BANP: variants seen among roughly 807,000 people sequenced by gnomAD.
BANP encodes the protein protein BANP.
A neutral mutation model predicts 68.1 loss-of-function variants in BANP; 11 were observed. The ratio of observed to expected loss-of-function variants is 0.16; its 90% CI spans 0.10 to 0.27. BANP has a LOEUF of 0.27. BANP is among the 10% of genes least tolerant of loss of function. The pLI, the probability that BANP is intolerant of heterozygous loss-of-function variation, is 1.00. For missense variants in BANP, 504 were observed against 722.7 expected (o/e 0.70, Z 3.47); for synonymous variants, 329 against 303.2 (o/e 1.09, Z -0.88).
At position 88,003,436 on chromosome 16, in the gene BANP, G is replaced by A. The variant is rs1598342982; in HGVS notation, c.363-859G>A. On this transcript the variant is annotated intron_variant, in intron 4 of 13. Transcript: ENST00000682872. This position sits in a 1 kb window ranked among gnomAD's most constrained non-coding sequence, Gnocchi z 6.1. The stretch of plus-strand genomic sequence containing the variant: ...TCCAAGAATGGAGTTTTATTGTCAG[G>A]TGATAATCACGTTGTGTTTCTAGTG... 3 of 456,038 alleles carry A rather than the reference G, an allele frequency of 6.6e-6. No homozygotes were observed. The highest frequency in any genetic ancestry group is 1.3e-5 in the Non-Finnish European group (3 of 226,928). 28.2% of individuals were successfully genotyped at this position (456,038 alleles called of 1,614,324 possible).
At chr16:88,008,816 C>A (rs2072087320) in intron 6 of BANP, among the ~76,000 whole-genome samples, 2 of 152,184 alleles carry the variant, frequency 1.3e-5, no homozygotes, top group Admixed American at 1.3e-4. Context: ...TTGGGGTGAA[C>A]TGCAGAACTT....
chr16:88,008,166 C>T (rs1343654757), intron 6 of BANP, among the ~76,000 whole-genome samples: 2 of 152,212 alleles, frequency 1.3e-5, no homozygotes, highest in African/African-American at 4.8e-5. Context: ...TGTTCCTTTT[C>T]ATGGCTGCGT....
chr16:88,049,817 G>C (rs554418080), intron 11 of BANP, among the ~76,000 whole-genome samples: 1 of 152,212 alleles, frequency 6.6e-6, no homozygotes, highest in Admixed American at 6.5e-5. Flanking sequence ...CAGCCACACG[G>C]CATCCGACGA....
At position 88,027,577 on chromosome 16, in the gene BANP, G is replaced by A; in HGVS notation, c.990G>A (p.Lys330=). 4 of 1,614,000 alleles carry A rather than the reference G, an allele frequency of 2.5e-6. No homozygotes were observed. Among genetic ancestry groups the A allele is most frequent in the South Asian group, 1.1e-5 (1 of 91,082 alleles). Reference sequence around the variant, plus strand: ...AGTGCCGCACGGCGTGGCGGCGCAAGCAGCGGGGCCAGAGCCTGGCGGTCA... The same window carrying A: ...AGTGCCGCACGGCGTGGCGGCGCAAACAGCGGGGCCAGAGCCTGGCGGTCA... The part of the protein sequence containing the change: ...DSKCRTAWRR[K]QRGQSLAVKS... Residue 330 remains lysine, a synonymous_variant, in exon 8 of 14, where the codon AAG becomes AAA. Transcript: ENST00000682872.
intron 11 of BANP, among the ~76,000 whole-genome samples, chr16:88,046,264 T>G (rs550268255): frequency 1.3e-5 from 2 of 152,348 alleles, no homozygotes; most frequent in East Asian, 3.9e-4. Context: ...AGATACTGTT[T>G]TAAAACTGCG....
intron 2 of BANP, among the ~76,000 whole-genome samples, chr16:87,977,351 G>A (rs2062361557): frequency 6.6e-6 from 1 of 152,060 alleles, no homozygotes; most frequent in Non-Finnish European, 1.5e-5. Flanking sequence ...CCCGGGAGGC[G>A]GAGCTTGCAG....
At chr16:88,068,301 G>A (rs184428396) in intron 12 of BANP, among the ~76,000 whole-genome samples, 9 of 152,354 alleles carry the variant, frequency 5.9e-5, no homozygotes, top group Non-Finnish European at 8.8e-5. Flanking sequence ...AACCTTGGGC[G>A]TGCGCCAGGG....
At chr16:87,974,395 T>C (rs1234620578) in intron 1 of BANP, among the ~76,000 whole-genome samples, 3 of 152,090 alleles carry the variant, frequency 2.0e-5, no homozygotes, top group African/African-American at 7.2e-5. Flanking sequence ...ACAGCACAGT[T>C]GTGGACAGGA....
At chr16:88,040,993 G>C (rs1372316261) in intron 11 of BANP, among the ~76,000 whole-genome samples, 2 of 152,234 alleles carry the variant, frequency 1.3e-5, no homozygotes, top group Non-Finnish European at 2.9e-5. Flanking sequence ...CCTCTTGGGA[G>C]GGTGGCCAGG....
At chr16:88,023,431 G>GA (rs1272503188) in intron 7 of BANP, among the ~76,000 whole-genome samples, 1 of 150,884 alleles carries the variant, frequency 6.6e-6, no homozygotes, top group Non-Finnish European at 1.5e-5. Flanking sequence ...CTTCCCCCGG[G>GA]AGGGAGCATG....
intron 8 of BANP, among the ~76,000 whole-genome samples, chr16:88,031,292 A>T (rs1302179385): frequency 6.6e-6 from 1 of 152,234 alleles, no homozygotes; most frequent in Non-Finnish European, 1.5e-5. Context: ...AATCTCATGA[A>T]TTTCAGATTC....
intron 7 of BANP, among the ~76,000 whole-genome samples, chr16:88,022,507 T>C (rs1411479199): frequency 6.6e-6 from 1 of 152,222 alleles, no homozygotes; most frequent in Admixed American, 6.5e-5. Flanking sequence ...AAGCCCCAGG[T>C]GGTGGTACCT....
intron 7 of BANP, among the ~76,000 whole-genome samples, chr16:88,025,484 T>A (rs2076816317): frequency 6.6e-6 from 1 of 152,212 alleles, no homozygotes. Context: ...CTGTATGGCT[T>A]CTTTATGCAT....
At chr16:87,969,534 C>CTTTTTT (rs71156276) in intron 1 of BANP, among the ~76,000 whole-genome samples, 1 of 139,006 alleles carries the variant, frequency 7.2e-6, no homozygotes, top group African/African-American at 2.7e-5. Context: ...TCGAGATTGA[C>CTTTTTT]TTTTTTTTTT....
chr16:88,009,101 T>C (rs772036268), intron 6 of BANP, among the ~76,000 whole-genome samples: 3 of 152,208 alleles, frequency 2.0e-5, no homozygotes, highest in Non-Finnish European at 1.5e-5. Context: ...ATGTCTCTTA[T>C]GTCAGATTTA....
At position 87,961,412 on chromosome 16, in the gene BANP, C is replaced by CCCCCA. The variant is rs368953008; in HGVS notation, c.-69+9901_-69+9902insACCCC. On this transcript the variant is annotated intron_variant, in intron 1 of 13. Transcript: ENST00000682872. ...CTCCTGGACTCACAGAATCTGCACC[C>CCCCCA]CCCCGGGCCTCCCAAAGTGCTGGGA... Among the ~76,000 whole-genome samples the CCCCCA allele has an allele frequency of 4.2e-5, 6 of 142,944 alleles. 1 individual carries two copies. Among genetic ancestry groups the CCCCCA allele is most frequent in the Non-Finnish European group, 6.4e-5 (4 of 62,248 alleles). 93.8% of individuals were successfully genotyped at this position (142,944 alleles called of 152,430 possible).
chr16:88,033,370 C>T (rs1250358563), intron 9 of BANP, 125 bp downstream of exon 9: 1 of 1,016,116 alleles, frequency 9.8e-7, no homozygotes, highest in African/African-American at 1.6e-5. Flanking sequence ...GGAGGAGGCA[C>T]AAGGTCCCCA....
intron 11 of BANP, among the ~76,000 whole-genome samples, chr16:88,056,147 G>T (rs2084943519): frequency 6.6e-6 from 1 of 152,226 alleles, no homozygotes; most frequent in Non-Finnish European, 1.5e-5. Context: ...TCTGACACTG[G>T]AGGGGTCCTT....
chr16:88,074,474 C>T (rs879716285), intron 13 of BANP, among the ~76,000 whole-genome samples: 5 of 152,168 alleles, frequency 3.3e-5, no homozygotes, highest in East Asian at 1.9e-4. Context: ...TGTCTTAATG[C>T]GCGGTGGCCT....
Sources: allele counts gnomAD v4.1 joint callset (sites outside exome capture counted in the v4.1 genomes callset), GRCh38; gene constraint gnomAD v4.1.1; non-coding constraint Gnocchi (gnomAD v3.1); transcripts MANE v1.5; gene names NCBI Gene and HGNC (gene_info 2026-07-23, HGNC 2026-07-21).